Variants in IQSEC3 observed in about 807,000 individuals in gnomAD.
IQSEC3 encodes IQ motif and Sec7 domain ArfGEF 3, also known as IQ motif and SEC7 domain-containing protein 3.
A neutral mutation model predicts 105.4 loss-of-function variants in IQSEC3; 50 were observed. The ratio of observed to expected loss-of-function variants is 0.47; its 90% CI spans 0.38 to 0.60. IQSEC3 has a LOEUF of 0.60. IQSEC3 is among the 20% of genes least tolerant of loss of function. IQSEC3 has a pLI of 0.00. For missense variants in IQSEC3, 1,415 were observed against 1,630.0 expected, an observed-to-expected ratio of 0.87 and a Z score of 2.27; for synonymous variants, 708 against 746.0, an observed-to-expected ratio of 0.95 and a Z score of 0.83.
In IQSEC3 at chr12:67,345, C is replaced by T. The variant is rs1863136806; in HGVS notation, c.463C>T (p.Arg155Cys). 6.3e-7 allele frequency: 1 copy of T among 1,597,884 alleles called. No individual in the cohort carries two copies. The change falls in exon 1 of 14, where the codon CGT becomes TGT. Residue 155 changes from arginine to cysteine, a missense_variant. Coordinates refer to ENST00000538872, the MANE Select transcript of IQSEC3 (RefSeq NM_001170738.2). ...QGAVTDKEKE[R>C]PPSCCAAAGA... is the part of the protein sequence containing the mutation. ...GGCCGTGACTGACAAGGAGAAGGAGCGTCCCCCGAGTTGCTGCGCTGCTGC... is the reference window on the plus strand; with the variant it reads ...GGCCGTGACTGACAAGGAGAAGGAGTGTCCCCCGAGTTGCTGCGCTGCTGC...
intron 7 of IQSEC3, among the ~76,000 whole-genome samples, chr12:159,565 G>T (rs1207721392): frequency 6.6e-6 from 1 of 152,220 alleles, no homozygotes; most frequent in African/African-American, 2.4e-5. Context: ...CATTGCTGCT[G>T]CATTGTCCTT....
At chr12:150,865 T>C (rs1346723927) in intron 5 of IQSEC3, among the ~76,000 whole-genome samples, 2 of 152,052 alleles carry the variant, frequency 1.3e-5, no homozygotes, top group Admixed American at 6.5e-5. Flanking sequence ...ACTTGGGTGC[T>C]CCTGAGGATG....
chr12:156,907 G>T (rs1555094421), intron 5 of IQSEC3, 118 bp from the exon 6 acceptor site: 3 of 1,267,028 alleles, frequency 2.4e-6, no homozygotes, highest in Non-Finnish European at 3.1e-6. Context: ...GACCCCCGGG[G>T]GTGAGTAGCC....
chr12:139,134 G>A lies in IQSEC3; in HGVS notation c.1771G>A (p.Ala591Thr), dbSNP rs782044131. ...GGTGGGGAGAGGGGCCGAGGCCGAGGCAGGCGACTTGGAGCAGCTGAGCAG... is the reference window on the plus strand; with the variant it reads ...GGTGGGGAGAGGGGCCGAGGCCGAGACAGGCGACTTGGAGCAGCTGAGCAG... ...AEVGRGAEAE[A>T]GDLEQLSSSS... Residue 591 changes from alanine (A) to threonine (T), a missense_variant, in exon 4 of 14, where the codon GCA becomes ACA. Ala to Thr is a moderately conservative substitution (Grantham distance 58). Transcript: ENST00000538872. 4 of 1,523,894 alleles carry A rather than the reference G, an allele frequency of 2.6e-6. No homozygotes were observed. Among genetic ancestry groups the A allele is most frequent in the South Asian group, 2.4e-5 (2 of 81,876 alleles). The allele number at this position is 1,523,894 out of a possible 1,614,324, so 94.4% of individuals were successfully genotyped here.
At chr12:149,648 G>A (rs1866426320) in intron 5 of IQSEC3, among the ~76,000 whole-genome samples, 1 of 152,208 alleles carries the variant, frequency 6.6e-6, no homozygotes, top group Admixed American at 6.5e-5. Context: ...GCCTCGTGGG[G>A]AAGACAGGCA....
In IQSEC3 at chr12:98,102, T is replaced by C. The variant is rs561926945; in HGVS notation, c.555-1044T>C. 5.3e-5 allele frequency among the ~76,000 whole-genome samples: 8 copies of C among 152,368 alleles called. No individual in the cohort carries two copies. In the East Asian group the frequency reaches 1.5e-3, roughly 29 times the overall value. On this transcript the variant is annotated intron_variant, in intron 1 of 13. Transcript: ENST00000538872. ...CCTTTCAGATGATCTCTGGGGGCCC[T>C]TCCAGGTTTGACATTCTCTGACTCA...
At chr12:105,046 G>A (rs1306851424) in intron 2 of IQSEC3, among the ~76,000 whole-genome samples, 2 of 152,248 alleles carry the variant, frequency 1.3e-5, no homozygotes, top group Non-Finnish European at 2.9e-5. Context: ...TGGGTCGGTC[G>A]GGCGGTACAG....
chr12:99,317 C>A, intron 2 of IQSEC3, 103 bp downstream of exon 2: 1 of 1,036,010 alleles, frequency 9.7e-7, no homozygotes. Flanking sequence ...CCTCTTGAGT[C>A]TCATGTGGGG....
At chr12:155,677 G>A (rs572906968) in intron 5 of IQSEC3, among the ~76,000 whole-genome samples, 1 of 152,304 alleles carries the variant, frequency 6.6e-6, no homozygotes, top group African/African-American at 2.4e-5. Context: ...CTGAGGTCAT[G>A]GAGGAAGTGG....
In IQSEC3 at chr12:141,149, C is replaced by G. The variant is rs1479069351; in HGVS notation, c.2017C>G (p.Leu673Val). 2 of 1,612,694 alleles carry G rather than the reference C, an allele frequency of 1.2e-6. No homozygotes were observed. The highest frequency in any genetic ancestry group is 2.2e-5 in the East Asian group (1 of 44,830). ...AAACCCCGACAAGGGCATCCAGTTC[C>G]TGATCTCACGCGGCTTCATCCCGGA... ...NINPDKGIQF[L>V]ISRGFIPDTP... The change falls in exon 5 of 14, where the codon CTG (leucine) becomes GTG (valine). Residue 673 changes from leucine to valine, a missense_variant. By Grantham distance (32) the Leu-to-Val change is conservative (BLOSUM62 1). Coordinates refer to ENST00000538872, the MANE Select transcript of IQSEC3 (RefSeq NM_001170738.2).
chr12:157,427 T>A, intron 6 of IQSEC3, 101 bp from the exon 7 acceptor site: 1 of 1,323,630 alleles, frequency 7.6e-7, no homozygotes, highest in Non-Finnish European at 1.0e-6. Flanking sequence ...CCTAAAGCCT[T>A]CGGAGAGCTG....
At chr12:146,169 G>A (rs1448970488) in intron 5 of IQSEC3, among the ~76,000 whole-genome samples, 1 of 152,222 alleles carries the variant, frequency 6.6e-6, no homozygotes, top group African/African-American at 2.4e-5. Flanking sequence ...CAGTCTGGAA[G>A]GCTCTGGCCT....
chr12:168,910 C>G (rs1798288742), intron 11 of IQSEC3, 103 bp from the exon 12 acceptor site: 1 of 958,232 alleles, frequency 1.0e-6, no homozygotes, highest in Admixed American at 1.8e-5. Flanking sequence ...ACTGGGACCT[C>G]TCCTCCTCTT....
chr12:102,182 T>TC (rs1186211912), intron 2 of IQSEC3, among the ~76,000 whole-genome samples: 1 of 143,934 alleles, frequency 6.9e-6, no homozygotes, highest in Admixed American at 7.0e-5. Flanking sequence ...GTCTGGCTCC[T>TC]CCCCCGTCAG....
chr12:171,170 A>G lies in IQSEC3; in HGVS notation c.3114+9A>G, dbSNP rs1938972109. ...CGGAGAGCACGGTGGAGGTAAGTGG[A>G]GCCCTGGTTGCCCAGGTGAGTGACT... On this transcript the variant is annotated intron_variant, in intron 13 of 13. Transcript: ENST00000538872. 2 of 1,613,990 alleles carry G rather than the reference A, an allele frequency of 1.2e-6. No homozygotes were observed. The highest frequency in any genetic ancestry group is 8.5e-7 in the Non-Finnish European group (1 of 1,179,994).
intron 9 of IQSEC3, among the ~76,000 whole-genome samples, chr12:163,884 C>G (rs903207832): frequency 6.6e-6 from 1 of 152,028 alleles, no homozygotes; most frequent in African/African-American, 2.4e-5. Context: ...TGTTAACGAA[C>G]TAGTTCCCAG....
Position 169,089 on chromosome 12 carries a change from G to A in IQSEC3, c.3048G>A (p.Lys1016=). Residue 1016 remains lysine, a synonymous_variant, in exon 12 of 14, where the codon AAG becomes AAA. Coordinates refer to ENST00000538872, the MANE Select transcript of IQSEC3 (RefSeq NM_001170738.2). ...GAGCCCAGGGGGACCCACAGTCAAA[G>A]CAAGGATCGCCGACAGGTGAGCCTC... ...PCGAQGDPQS[K]QGSPTAKREA... is the part of the protein sequence containing the mutation. 6.2e-7 allele frequency: 1 copy of A among 1,613,974 alleles called. No homozygotes were observed. Among genetic ancestry groups the A allele is most frequent in the Non-Finnish European group, 8.5e-7 (1 of 1,180,012 alleles).
intron 3 of IQSEC3, among the ~76,000 whole-genome samples, chr12:135,914 T>A (rs1555086263): frequency 6.6e-6 from 1 of 152,246 alleles, no homozygotes. Context: ...CCCGAGCAGA[T>A]AACCCAGATG....
chr12:81,053 A>G (rs782510934), intron 1 of IQSEC3, among the ~76,000 whole-genome samples: 2 of 152,212 alleles, frequency 1.3e-5, no homozygotes, highest in Non-Finnish European at 2.9e-5. Context: ...GAGATTCTCA[A>G]CTGGGATTTC....
Sources: allele counts gnomAD v4.1 joint callset (sites outside exome capture counted in the v4.1 genomes callset), GRCh38; gene constraint gnomAD v4.1.1; transcripts MANE v1.5; gene names NCBI Gene and HGNC (gene_info 2026-07-23, HGNC 2026-07-21).